NOVA1: variants seen among roughly 807,000 people sequenced by gnomAD.
NOVA1 encodes NOVA alternative splicing regulator 1.
Under a neutral mutation model 38.0 loss-of-function variants are expected in NOVA1, and 7 were observed. That is an observed-to-expected ratio of 0.18 (90% CI 0.10 to 0.35). NOVA1 has a LOEUF of 0.35. Ranked by LOEUF, NOVA1 falls within the 10% of genes least tolerant of loss-of-function variation. The pLI, the probability that NOVA1 is intolerant of heterozygous loss-of-function variation, is 1.00. For missense variants in NOVA1, 460 were observed against 616.0 expected, an observed-to-expected ratio of 0.75 and a Z score of 2.68; for synonymous variants, 270 against 232.5, an observed-to-expected ratio of 1.16 and a Z score of -1.47.
intron 2 of NOVA1, among the ~76,000 whole-genome samples, chr14:26,589,126 T>C (rs1893696082): frequency 1.3e-5 from 2 of 151,670 alleles, no homozygotes. Context: ...TAAAACTGCT[T>C]TACAAAGACT....
intron 2 of NOVA1, among the ~76,000 whole-genome samples, chr14:26,544,126 C>A (rs939746838): frequency 5.9e-5 from 9 of 151,614 alleles, no homozygotes; most frequent in Non-Finnish European, 1.2e-4. Context: ...GGACAGATAA[C>A]CCCTAGGAAA....
At chr14:26,523,470 T>A (rs566671699) in intron 2 of NOVA1, among the ~76,000 whole-genome samples, 18 of 152,326 alleles carry the variant, frequency 1.2e-4, no homozygotes, top group African/African-American at 4.3e-4. Flanking sequence ...GTACTGCTAA[T>A]AACACGTAAG....
rs773045664 is a variant in NOVA1 at position 26,448,112 on chromosome 14, G to T, written c.1371C>A (p.Ile457=). The part of the protein sequence containing the change: ...YQELTGARIQ[I]SKKGEFVPGT... Reference sequence around the variant, plus strand: ...CAGGTACGAATTCTCCTTTTTTGGAGATCTGTATCCTTGCACCAGTCAACT... The same window carrying T: ...CAGGTACGAATTCTCCTTTTTTGGATATCTGTATCCTTGCACCAGTCAACT... Residue 457 remains isoleucine, a synonymous_variant, in exon 5 of 5, where the codon ATC becomes ATA. Coordinates refer to ENST00000539517, the MANE Select transcript of NOVA1 (RefSeq NM_002515.3). This position sits in a 1 kb window ranked among gnomAD's most constrained non-coding sequence, Gnocchi z 5.3. 15 of 1,614,118 alleles carry T rather than the reference G, an allele frequency of 9.3e-6. No homozygotes were observed. Among genetic ancestry groups the T allele is most frequent in the Non-Finnish European group, 1.2e-5 (14 of 1,180,006 alleles).
intron 2 of NOVA1, among the ~76,000 whole-genome samples, chr14:26,506,772 G>A (rs1887667129): frequency 6.6e-6 from 1 of 151,944 alleles, no homozygotes; most frequent in Non-Finnish European, 1.5e-5. Flanking sequence ...TAGAGACGGG[G>A]ATTCATCATG....
chr14:26,450,533 T>C (rs1882581105), intron 4 of NOVA1, among the ~76,000 whole-genome samples: 2 of 152,150 alleles, frequency 1.3e-5, no homozygotes, highest in East Asian at 1.9e-4. Context: ...CTTAGAAAGT[T>C]TGAGAAATAG....
chr14:26,486,696 CAAAAAAAAAA>C (rs59078775), intron 2 of NOVA1, among the ~76,000 whole-genome samples: 4 of 23,106 alleles, frequency 1.7e-4, no homozygotes, highest in South Asian at 9.5e-3. Flanking sequence ...GTGACAGACT[CAAAAAAAAAA>C]AAAAAAAAAA....
At chr14:26,550,438 C>G (rs1394682226) in intron 2 of NOVA1, among the ~76,000 whole-genome samples, 3 of 152,072 alleles carry the variant, frequency 2.0e-5, no homozygotes, top group South Asian at 2.1e-4. Context: ...AAGATAGACC[C>G]TAAACACAGT....
chr14:26,542,826 A>T (rs1355812419), intron 2 of NOVA1, among the ~76,000 whole-genome samples: 2 of 151,652 alleles, frequency 1.3e-5, no homozygotes, highest in Non-Finnish European at 3.0e-5. Flanking sequence ...ACTTGAAGCT[A>T]CTTGGAATAT....
intron 2 of NOVA1, among the ~76,000 whole-genome samples, chr14:26,537,951 A>G (rs1257333726): frequency 6.6e-6 from 1 of 152,112 alleles, no homozygotes; most frequent in Non-Finnish European, 1.5e-5. Flanking sequence ...TCATGAGTGA[A>G]GATGTAGAGG....
chr14:26,508,076 C>G lies in NOVA1; in HGVS notation c.281-27933G>C, dbSNP rs536671818. Among the ~76,000 whole-genome samples, 333 of 152,060 alleles carry G rather than the reference C, an allele frequency of 2.2e-3. 1 individual carries two copies. Among genetic ancestry groups the G allele is most frequent in the African/African-American group, 7.2e-3 (299 of 41,530 alleles). On this transcript the variant is annotated intron_variant, in intron 2 of 4. Coordinates refer to ENST00000539517, the MANE Select transcript of NOVA1 (RefSeq NM_002515.3). Reference sequence around the variant, plus strand: ...ATGTATTATATTTGAGAGTTCTGCACTTTTTGAATAGACATAGCAACTGCT... The same window carrying G: ...ATGTATTATATTTGAGAGTTCTGCAGTTTTTGAATAGACATAGCAACTGCT...
chr14:26,515,957 T>G (rs1406080865), intron 2 of NOVA1, among the ~76,000 whole-genome samples: 1 of 152,088 alleles, frequency 6.6e-6, no homozygotes, highest in African/African-American at 2.4e-5. Flanking sequence ...ATGTTCAACT[T>G]TATAGGATGC....
intron 2 of NOVA1, among the ~76,000 whole-genome samples, chr14:26,516,651 TA>T (rs890874668): frequency 2.0e-5 from 3 of 152,196 alleles, no homozygotes; most frequent in African/African-American, 7.2e-5. Flanking sequence ...ACATTTGGCC[TA>T]AAGGAACTGA....
chr14:26,558,297 C>T (rs1035812922), intron 2 of NOVA1, among the ~76,000 whole-genome samples: 75 of 152,132 alleles, frequency 4.9e-4, no homozygotes, highest in African/African-American at 1.8e-3. Context: ...CCAACTGTAC[C>T]ACACTAATTG....
intron 2 of NOVA1, among the ~76,000 whole-genome samples, chr14:26,585,762 T>C (rs983309223): frequency 1.3e-5 from 2 of 149,426 alleles, no homozygotes; most frequent in African/African-American, 4.9e-5. Context: ...ATATTGGATT[T>C]CAGTTTCTTT....
At chr14:26,550,706 T>A (rs1041780831) in intron 2 of NOVA1, among the ~76,000 whole-genome samples, 4 of 152,144 alleles carry the variant, frequency 2.6e-5, no homozygotes, top group Non-Finnish European at 1.5e-5. Context: ...GAGGTAACTT[T>A]ACATTATTCA....
intron 2 of NOVA1, among the ~76,000 whole-genome samples, chr14:26,514,141 A>C (rs1888292050): frequency 1.3e-5 from 2 of 151,786 alleles, no homozygotes; most frequent in African/African-American, 2.4e-5. Context: ...ATTTAACATT[A>C]GATAAATACT....
chr14:26,564,594 C>A (rs147432505), intron 2 of NOVA1, among the ~76,000 whole-genome samples: 3 of 152,016 alleles, frequency 2.0e-5, no homozygotes, highest in Admixed American at 1.3e-4. Flanking sequence ...CTGCTCCTCG[C>A]GATAGACAAA....
At chr14:26,531,602 C>T (rs560210885) in intron 2 of NOVA1, among the ~76,000 whole-genome samples, 2 of 126,308 alleles carry the variant, frequency 1.6e-5, no homozygotes, top group African/African-American at 2.5e-5. Flanking sequence ...AGCGAAACTC[C>T]GTCTCAAAAC....
intron 2 of NOVA1, among the ~76,000 whole-genome samples, chr14:26,579,050 A>ATTT (rs1272941818): frequency 1.4e-4 from 11 of 76,600 alleles, no homozygotes; most frequent in African/African-American, 2.2e-4. Flanking sequence ...AGCAGGTGGT[A>ATTT]TTCTTTTTTT....
Sources: gnomAD v4.1 joint callset for allele counts (sites outside exome capture counted in the v4.1 genomes callset) on GRCh38, gnomAD v4.1.1 for gene constraint, Gnocchi (gnomAD v3.1) non-coding constraint, MANE v1.5 for transcripts, NCBI Gene and HGNC (gene_info 2026-07-23, HGNC 2026-07-21) for gene names.